TRIOBP: variants seen among roughly 807,000 people sequenced by gnomAD.
The protein encoded by TRIOBP is TRIO and F-actin-binding protein.
Under a neutral mutation model 238.8 loss-of-function variants are expected in TRIOBP, and 169 were observed. That is an observed-to-expected ratio of 0.71 (90% confidence interval 0.62 to 0.80). The LOEUF (loss-of-function observed/expected upper bound fraction) is 0.80, where lower values mean the gene tolerates loss of function less well. TRIOBP is among the 30% of genes least tolerant of loss of function. The pLI is 0.00. For synonymous variants in TRIOBP, 1,150 were observed against 1,274.4 expected, an observed-to-expected ratio of 0.90 and a Z score of 2.08; for missense variants, 2,838 against 3,122.6, an observed-to-expected ratio of 0.91 and a Z score of 2.17.
intron 3 of TRIOBP, 82 bp downstream of exon 3, chr22:37,701,561 G>A (rs944341629): frequency 3.9e-5 from 39 of 1,007,306 alleles, no homozygotes; most frequent in Middle Eastern, 2.0e-4. Context: ...CCGCTAACTC[G>A]CAGTTGAACC....
At chr22:37,737,414 C>A (rs1924725402) in intron 9 of TRIOBP, among the ~76,000 whole-genome samples, 1 of 152,046 alleles carries the variant, frequency 6.6e-6, no homozygotes, top group Non-Finnish European at 1.5e-5. Flanking sequence ...GTAATCCCAG[C>A]ACTTTGGGAG....
At position 37,735,445 on chromosome 22, in the gene TRIOBP, AAGG is replaced by A. The variant is rs1924626207; in HGVS notation, c.5106+7_5106+9del. The A allele has an allele frequency of 1.3e-6, 2 of 1,556,134 alleles. No homozygotes were observed. The highest frequency in any genetic ancestry group is 1.7e-6 in the Non-Finnish European group (2 of 1,150,948). On this transcript the variant is annotated splice_donor_5th_base_variant and intron_variant, in intron 9 of 23. Coordinates refer to ENST00000644935, the MANE Select transcript of TRIOBP (RefSeq NM_001039141.3). The stretch of plus-strand genomic sequence containing the variant: ...GCCCCAGCTTGCCAGAGCTGCAGGT[AAGG>A]AGGTTTCCACCCTCCCAAGGGTAGC...
At chr22:37,762,431 A>G (rs1384773172) in intron 17 of TRIOBP, among the ~76,000 whole-genome samples, 5 of 152,274 alleles carry the variant, frequency 3.3e-5, no homozygotes, top group Non-Finnish European at 7.4e-5. Context: ...TGCCACTACA[A>G]TGACGTTTAA....
At chr22:37,731,931 C>A (rs545663694) in intron 7 of TRIOBP, among the ~76,000 whole-genome samples, 5 of 152,226 alleles carry the variant, frequency 3.3e-5, no homozygotes, top group Non-Finnish European at 7.3e-5. Flanking sequence ...CATGGCTCCT[C>A]AGGCACAGGC....
At chr22:37,743,317 T>C (rs1196264836) in intron 11 of TRIOBP, among the ~76,000 whole-genome samples, 1 of 152,234 alleles carries the variant, frequency 6.6e-6, no homozygotes, top group African/African-American at 2.4e-5. Context: ...ACCTAACTTG[T>C]GTGCCCTTCT....
chr22:37,765,720 G>T lies in TRIOBP; in HGVS notation c.6375G>T (p.Val2125=). Residue 2125 remains valine (V), a synonymous_variant, in exon 18 of 24, where the codon GTG becomes GTT. Transcript: ENST00000644935. ...LAEMESSHQQ[V]MEELQRHHER... ...AGATGGAGTCCTCGCACCAGCAGGT[G>T]ATGGAGGAGCTGCAGCGGCACCACG... 1.3e-6 allele frequency: 2 copies of T among 1,560,408 alleles called. 1 individual carries two copies. The highest frequency in any genetic ancestry group is 1.7e-6 in the Non-Finnish European group (2 of 1,153,256).
In TRIOBP at chr22:37,757,989, C is replaced by G. The variant is rs1303543527; in HGVS notation, c.6064C>G (p.Leu2022Val). 2 of 1,595,150 alleles carry G rather than the reference C, an allele frequency of 1.3e-6. No homozygotes were observed. The highest frequency in any genetic ancestry group is 1.8e-5 in the Admixed American group (1 of 56,750). The change falls in exon 16 of 24, where the codon CTT becomes GTT. Residue 2022 changes from leucine to valine, a missense_variant. Physicochemically the swap from Leu to Val is conservative, Grantham distance 32. Transcript: ENST00000644935. Reference sequence around the variant, plus strand: ...CCTGACTGAGGACCAGCAAAACCGGCTTAGTGAGGAGATCGAGAAGAAGTG... The same window carrying G: ...CCTGACTGAGGACCAGCAAAACCGGGTTAGTGAGGAGATCGAGAAGAAGTG... Reference protein sequence around the residue: ...APLTEDQQNRLSEEIEKKWQE... With the variant: ...APLTEDQQNRVSEEIEKKWQE...
At chr22:37,731,300 G>A (rs540920977) in intron 7 of TRIOBP, among the ~76,000 whole-genome samples, 1 of 151,888 alleles carries the variant, frequency 6.6e-6, no homozygotes, top group African/African-American at 2.4e-5. Flanking sequence ...ACCATGCTCG[G>A]CTCATTAAAA....
At chr22:37,704,904 C>CAA (rs55816795) in intron 3 of TRIOBP, among the ~76,000 whole-genome samples, 18 of 131,322 alleles carry the variant, frequency 1.4e-4, no homozygotes, top group African/African-American at 5.2e-4. Flanking sequence ...CCATTTCTAC[C>CAA]AAAAAAAAAA....
intron 17 of TRIOBP, chr22:37,759,633 C>T: frequency 6.5e-7 from 1 of 1,536,588 alleles, no homozygotes; most frequent in Non-Finnish European, 8.7e-7. Context: ...CCGAGAGTCA[C>T]TCCCTGAACA....
At chr22:37,718,123 G>A (rs947534940) in intron 6 of TRIOBP, among the ~76,000 whole-genome samples, 4 of 152,158 alleles carry the variant, frequency 2.6e-5, no homozygotes, top group Non-Finnish European at 5.9e-5. Context: ...AGGGCCAGCC[G>A]GCCGCTCCGA....
intron 15 of TRIOBP, 148 bp from the exon 16 acceptor site, chr22:37,757,465 C>T (rs959825419): frequency 5.4e-6 from 6 of 1,103,228 alleles, no homozygotes; most frequent in African/African-American, 1.6e-5. Context: ...GTCTGTTAAC[C>T]AGGAAGCTCA....
In TRIOBP at chr22:37,751,287, T is replaced by TC. The variant is rs559567495; in HGVS notation, c.5323-482dup. On this transcript the variant is annotated intron_variant, in intron 11 of 23. Coordinates refer to ENST00000644935, the MANE Select transcript of TRIOBP (RefSeq NM_001039141.3). ...ACCCCAGCCTGTGACTGGCTCCACC[T>TC]CCCATAGTCTCCTGGAGCCGAGGAA... 5.1e-4 allele frequency: 175 copies of TC among 342,982 alleles called. 1 individual carries two copies. Among genetic ancestry groups the TC allele is most frequent in the African/African-American group, 2.4e-3 (112 of 46,322 alleles). 21.2% of individuals were successfully genotyped at this position (342,982 alleles called of 1,614,324 possible).
At position 37,723,893 on chromosome 22, in the gene TRIOBP, C is replaced by G; in HGVS notation, c.1337C>G (p.Ala446Gly). Residue 446 changes from alanine (A) to glycine (G), a missense_variant, in exon 7 of 24, where the codon GCT becomes GGT. Ala to Gly is a moderately conservative substitution (Grantham distance 60). Transcript: ENST00000644935. ...DNPRASSPSR[A>G]TRDNPTTSCA... ...CCCAGAGCCTCCTCTCCCAGTAGAG[C>G]TACACGAGACAACCCCACAACATCC... 5 of 1,585,360 alleles carry G rather than the reference C, an allele frequency of 3.2e-6. No individual in the cohort carries two copies. Among genetic ancestry groups the G allele is most frequent in the Non-Finnish European group, 3.4e-6 (4 of 1,165,164 alleles).
intron 7 of TRIOBP, among the ~76,000 whole-genome samples, chr22:37,729,397 G>A (rs1237404656): frequency 6.6e-6 from 1 of 151,780 alleles, no homozygotes; most frequent in Non-Finnish European, 1.5e-5. Context: ...TCTACTTTTT[G>A]TAGAGATGGA....
intron 11 of TRIOBP, among the ~76,000 whole-genome samples, chr22:37,749,451 A>G (rs1925460666): frequency 6.6e-6 from 1 of 151,960 alleles, no homozygotes; most frequent in African/African-American, 2.4e-5. Flanking sequence ...GGGTGTGTAG[A>G]GGGGTTGTGT....
intron 17 of TRIOBP, among the ~76,000 whole-genome samples, chr22:37,760,713 G>A (rs1449762950): frequency 6.6e-6 from 1 of 152,140 alleles, no homozygotes; most frequent in Admixed American, 6.5e-5. Flanking sequence ...AGTGGCTCAC[G>A]CCTGTAATCC....
Position 37,758,155 on chromosome 22 carries a change from G to A in TRIOBP, c.6213+17G>A, listed in dbSNP as rs1926045509. The A allele has an allele frequency of 1.2e-6, 2 of 1,610,290 alleles. No homozygotes were observed. The highest frequency in any genetic ancestry group is 8.5e-7 in the Non-Finnish European group (1 of 1,179,830). ...GAGAAGGAGGTAGGCACCACGGCTG[G>A]CTCTCTAGGAGGCCCCTTGCCCCAG... On this transcript the variant is annotated intron_variant, in intron 16 of 23. Coordinates refer to ENST00000644935, the MANE Select transcript of TRIOBP (RefSeq NM_001039141.3).
In TRIOBP at chr22:37,731,118, T is replaced by C. The variant is rs77521502; in HGVS notation, c.3948-2180T>C. 9.7e-3 allele frequency among the ~76,000 whole-genome samples: 1,472 copies of C among 152,032 alleles called. 18 individuals are homozygous for C. Among genetic ancestry groups the C allele is most frequent in the Non-Finnish European group, 0.015 (1,015 of 67,990 alleles). ...ATTCTAATGACATTGGCAAAAGACATGAAACAACAAAAAACTCCAACCCCA... is the reference window on the plus strand; with the variant it reads ...ATTCTAATGACATTGGCAAAAGACACGAAACAACAAAAAACTCCAACCCCA... On this transcript the variant is annotated intron_variant, in intron 7 of 23. Coordinates refer to ENST00000644935, the MANE Select transcript of TRIOBP (RefSeq NM_001039141.3).
Sources: allele counts gnomAD v4.1 joint callset (sites outside exome capture counted in the v4.1 genomes callset), GRCh38; gene constraint gnomAD v4.1.1; transcripts MANE v1.5; gene names NCBI Gene and HGNC (gene_info 2026-07-23, HGNC 2026-07-21).